Variants in TTC39C observed in about 807,000 individuals in gnomAD.
TTC39C encodes the protein tetratricopeptide repeat protein 39C.
Under a neutral mutation model 76.3 loss-of-function variants are expected in TTC39C, and 33 were observed. The observed-to-expected ratio is 0.43, with a 90% CI of 0.33 to 0.58. TTC39C has a LOEUF of 0.58. TTC39C is among the 20% of genes least tolerant of loss of function. TTC39C has a pLI of 0.04. For synonymous variants in TTC39C, 254 were observed against 260.6 expected (o/e 0.97, Z 0.24); for missense variants, 595 against 701.4 (o/e 0.85, Z 1.71).
chr18:24,012,599 T>C (rs113647180), upstream of TTC39C, among the ~76,000 whole-genome samples: 9,391 of 152,206 alleles, frequency 0.062, 806 homozygotes, highest in African/African-American at 0.19. Flanking sequence ...TCTTTCTCAG[T>C]TGGGGGACTG....
intron 1 of TTC39C, among the ~76,000 whole-genome samples, chr18:24,050,873 A>AG (rs1182792733): frequency 1.6e-4 from 10 of 60,698 alleles, no homozygotes; most frequent in Admixed American, 6.6e-4. Context: ...ACTCCATCTC[A>AG]GGAAAAAAAA....
At chr18:24,041,470 C>T (rs759905071) in intron 1 of TTC39C, among the ~76,000 whole-genome samples, 21 of 152,074 alleles carry the variant, frequency 1.4e-4, no homozygotes, top group Non-Finnish European at 1.9e-4. Context: ...AGAGAAGGGC[C>T]AAGAGTGTCA....
chr18:24,131,064 A>G (rs2085122547), intron 12 of TTC39C, among the ~76,000 whole-genome samples: 1 of 146,570 alleles, frequency 6.8e-6, no homozygotes, highest in African/African-American at 2.5e-5. Context: ...AAAATCAAAA[A>G]ACATAGTCAG....
At chr18:24,095,918 C>T (rs777162962) in intron 6 of TTC39C, among the ~76,000 whole-genome samples, 3 of 152,094 alleles carry the variant, frequency 2.0e-5, no homozygotes, top group East Asian at 1.9e-4. Context: ...TCAATTAATG[C>T]GTCTTAGGGA....
chr18:24,015,922 T>C (rs945414696), intron 1 of TTC39C, among the ~76,000 whole-genome samples: 2 of 152,236 alleles, frequency 1.3e-5, no homozygotes, highest in African/African-American at 2.4e-5. Flanking sequence ...ATTTGCCGTC[T>C]GATTGTTGAC....
intron 1 of TTC39C, among the ~76,000 whole-genome samples, chr18:24,051,318 G>A (rs2083946278): frequency 6.6e-6 from 1 of 152,194 alleles, no homozygotes; most frequent in South Asian, 2.1e-4. Flanking sequence ...TTGCTGATAA[G>A]ATGCAAGGCC....
chr18:24,097,733 T>A (rs983833906), intron 6 of TTC39C, among the ~76,000 whole-genome samples: 1 of 152,378 alleles, frequency 6.6e-6, no homozygotes, highest in Non-Finnish European at 1.5e-5. Flanking sequence ...TGGGGAATTA[T>A]TCCTATAAAC....
At chr18:24,116,992 A>G (rs2084902151) in intron 7 of TTC39C, among the ~76,000 whole-genome samples, 1 of 151,632 alleles carries the variant, frequency 6.6e-6, no homozygotes, top group Non-Finnish European at 1.5e-5. Context: ...CACCTGGCTA[A>G]TTTTTTATAG....
intron 3 of TTC39C, among the ~76,000 whole-genome samples, chr18:24,067,622 G>A (rs1167713757): frequency 6.6e-6 from 1 of 152,128 alleles, no homozygotes; most frequent in Non-Finnish European, 1.5e-5. Flanking sequence ...GCCTGATGAC[G>A]TGAGGTGGAA....
chr18:24,115,639 G>C (rs577983756), intron 7 of TTC39C, among the ~76,000 whole-genome samples: 1 of 152,320 alleles, frequency 6.6e-6, no homozygotes, highest in East Asian at 1.9e-4. Context: ...TGTCAGTTTG[G>C]GGGGTCAGGC....
chr18:24,050,527 G>C (rs1434228091), intron 1 of TTC39C, among the ~76,000 whole-genome samples: 4 of 129,970 alleles, frequency 3.1e-5, no homozygotes, highest in South Asian at 4.9e-4. Context: ...TTGTACCACT[G>C]TACTCCAGTC....
intron 6 of TTC39C, among the ~76,000 whole-genome samples, chr18:24,084,028 G>GT (rs1291048702): frequency 3.3e-5 from 5 of 152,008 alleles, no homozygotes; most frequent in South Asian, 2.1e-4. Flanking sequence ...GGAATAATTT[G>GT]TTTTTTTGGG....
chr18:24,114,543 T>C lies in TTC39C; in HGVS notation c.985-11T>C, dbSNP rs753302241. 7 of 1,609,186 alleles carry C rather than the reference T, an allele frequency of 4.4e-6. No individual in the cohort carries two copies. The South Asian group carries it at 5.5e-5, about 13-fold the overall frequency. ...TCTTAGCTGGTAATTCTGTTTTCCT[T>C]TTCTCCTTAGTGTCAAATCAACAGT... On this transcript the variant is annotated splice_polypyrimidine_tract_variant and intron_variant, in intron 6 of 13. Coordinates refer to ENST00000317571, the MANE Select transcript of TTC39C (RefSeq NM_001135993.2).
intron 1 of TTC39C, among the ~76,000 whole-genome samples, chr18:24,022,014 T>C (rs1320482140): frequency 6.6e-6 from 1 of 152,226 alleles, no homozygotes; most frequent in Non-Finnish European, 1.5e-5. Flanking sequence ...TGTCCAAAGC[T>C]GTAACATCTG....
chr18:23,994,228 A>G (rs1018295262), intron 1 of TTC39C: 7 of 151,812 alleles, frequency 4.6e-5, no homozygotes, highest in Non-Finnish European at 1.0e-4. Flanking sequence ...CTCAAAAACC[A>G]TCACTTTATT....
intron 1 of TTC39C, among the ~76,000 whole-genome samples, chr18:24,046,982 C>T (rs1191537917): frequency 1.3e-5 from 2 of 151,910 alleles, no homozygotes; most frequent in Non-Finnish European, 2.9e-5. Flanking sequence ...CCCTAAATAT[C>T]AGCTCTGTAG....
chr18:24,003,030 G>A (rs1034201149), intron 1 of TTC39C, among the ~76,000 whole-genome samples: 1 of 152,126 alleles, frequency 6.6e-6, no homozygotes, highest in South Asian at 2.1e-4. Flanking sequence ...CTAAGTTCTC[G>A]TTGGCTCCTC....
rs78055381 is a variant in TTC39C at position 24,132,356 on chromosome 18, A to C, written c.1663-129A>C. On this transcript the variant is annotated intron_variant, in intron 13 of 13. Coordinates refer to ENST00000317571, the MANE Select transcript of TTC39C (RefSeq NM_001135993.2). The stretch of plus-strand genomic sequence containing the variant: ...TTTGAGTAATATGAAAATCAAGTGG[A>C]TGGGAAACCTTTACTGGGAGTGTAG... 0.01 allele frequency: 6,803 copies of C among 662,990 alleles called. 347 individuals are homozygous for C. In the East Asian group the frequency reaches 0.12, roughly 12 times the overall value. 41.1% of individuals were successfully genotyped at this position (662,990 alleles called of 1,614,324 possible). A position where few individuals can be genotyped will look rare whatever the true frequency, so the allele number is the denominator to read the frequency against.
At chr18:24,030,317 A>G (rs1027900784) in intron 1 of TTC39C, among the ~76,000 whole-genome samples, 6 of 152,242 alleles carry the variant, frequency 3.9e-5, no homozygotes, top group African/African-American at 1.4e-4. Flanking sequence ...GATATTTGAT[A>G]CACATTAATG....
Sources: allele counts gnomAD v4.1 joint callset (sites outside exome capture counted in the v4.1 genomes callset), GRCh38; gene constraint gnomAD v4.1.1; transcripts MANE v1.5; gene names NCBI Gene and HGNC (gene_info 2026-07-23, HGNC 2026-07-21).